The following SLX4IP variants were observed in gnomAD, a reference collection of about 807,000 sequenced individuals.
SLX4IP encodes protein SLX4IP.
Under a neutral mutation model 32.9 loss-of-function variants are expected in SLX4IP, and 34 were observed. That is an observed-to-expected ratio of 1.03 (90% confidence interval 0.79 to 1.38). The LOEUF is 1.38. Ranked by LOEUF, SLX4IP falls within the 40% of genes most tolerant of loss-of-function variation. SLX4IP has a pLI of 0.00. For missense variants in SLX4IP, 444 were observed against 479.0 expected (o/e 0.93, Z 0.68); for synonymous variants, 172 against 171.7 (o/e 1.00, Z -0.01).
intron 1 of SLX4IP, among the ~76,000 whole-genome samples, chr20:10,448,432 C>T (rs187897910): frequency 6.6e-6 from 1 of 152,238 alleles, no homozygotes; most frequent in Admixed American, 6.5e-5. Context: ...TGCACTGTAC[C>T]ATGACCCGGT....
At chr20:10,509,266 A>G (rs2065785281) in intron 2 of SLX4IP, among the ~76,000 whole-genome samples, 1 of 152,176 alleles carries the variant, frequency 6.6e-6, no homozygotes, top group African/African-American at 2.4e-5. Context: ...ATTCAATTAT[A>G]AAGATAGTGG....
chr20:10,586,643 TGAA>T (rs2066648801), intron 4 of SLX4IP, among the ~76,000 whole-genome samples: 1 of 151,296 alleles, frequency 6.6e-6, no homozygotes, highest in South Asian at 2.1e-4. Flanking sequence ...GAAAAAAAGA[TGAA>T]GAGAAATATT....
At chr20:10,479,986 G>C (rs1487635358) in intron 2 of SLX4IP, among the ~76,000 whole-genome samples, 1 of 152,110 alleles carries the variant, frequency 6.6e-6, no homozygotes, top group East Asian at 1.9e-4. Context: ...CCTGGCGACA[G>C]AGTGAGACTC....
chr20:10,542,562 A>G (rs141899974), intron 2 of SLX4IP, among the ~76,000 whole-genome samples: 1 of 152,212 alleles, frequency 6.6e-6, no homozygotes, highest in East Asian at 1.9e-4. Flanking sequence ...TTCAATATTG[A>G]GAGTAATTGA....
chr20:10,529,055 G>A (rs1026543740), intron 2 of SLX4IP, among the ~76,000 whole-genome samples: 1 of 152,144 alleles, frequency 6.6e-6, no homozygotes, highest in African/African-American at 2.4e-5. Flanking sequence ...TTCTGTTTCT[G>A]TTTGCTTTCC....
At chr20:10,519,326 C>T (rs879503286) in intron 2 of SLX4IP, among the ~76,000 whole-genome samples, 3 of 152,118 alleles carry the variant, frequency 2.0e-5, no homozygotes, top group Non-Finnish European at 2.9e-5. Flanking sequence ...TTTCATCACC[C>T]CCCCAAAAAG....
chr20:10,473,694 C>T (rs2065447316), intron 2 of SLX4IP, among the ~76,000 whole-genome samples: 1 of 151,944 alleles, frequency 6.6e-6, no homozygotes, highest in Non-Finnish European at 1.5e-5. Flanking sequence ...CCTTCACCTC[C>T]CAGGTTCAAG....
intron 4 of SLX4IP, among the ~76,000 whole-genome samples, chr20:10,579,553 A>C (rs1476389900): frequency 6.6e-6 from 1 of 151,782 alleles, no homozygotes; most frequent in African/African-American, 2.4e-5. Flanking sequence ...CAGCCTCCTG[A>C]GTAGCTGGGA....
intron 4 of SLX4IP, among the ~76,000 whole-genome samples, chr20:10,574,942 G>T (rs2066508510): frequency 6.6e-6 from 1 of 152,104 alleles, no homozygotes; most frequent in South Asian, 2.1e-4. Context: ...AAAAGTGCTG[G>T]GATTACAGAC....
intron 2 of SLX4IP, among the ~76,000 whole-genome samples, chr20:10,524,433 A>G (rs1444010096): frequency 6.6e-6 from 1 of 152,126 alleles, no homozygotes; most frequent in Non-Finnish European, 1.5e-5. Context: ...ACATGAAATG[A>G]TTGTTCCGTC....
intron 3 of SLX4IP, among the ~76,000 whole-genome samples, chr20:10,559,357 A>G (rs1221544014): frequency 6.6e-6 from 1 of 152,206 alleles, no homozygotes; most frequent in African/African-American, 2.4e-5. Context: ...AGTGTTTTTA[A>G]TAAAGGAAAA....
intron 4 of SLX4IP, among the ~76,000 whole-genome samples, chr20:10,566,533 G>C (rs629127): frequency 0.73 from 110,308 of 151,910 alleles, 40,986 homozygotes; most frequent in African/African-American, 0.89. Context: ...TGGTCACCTC[G>C]CTTTTCCAGT....
chr20:10,610,006 T>C (rs1248783966), intron 6 of SLX4IP, among the ~76,000 whole-genome samples: 2 of 152,166 alleles, frequency 1.3e-5, no homozygotes, highest in Admixed American at 1.3e-4. Context: ...CTCAGAACAG[T>C]TGATAAGCCT....
chr20:10,536,464 G>C (rs2066045675), intron 2 of SLX4IP, among the ~76,000 whole-genome samples: 1 of 152,188 alleles, frequency 6.6e-6, no homozygotes, highest in Admixed American at 6.5e-5. Context: ...TGATCTCTCA[G>C]TCGCCTGTTA....
intron 2 of SLX4IP, among the ~76,000 whole-genome samples, chr20:10,510,897 C>T (rs1308218700): frequency 1.3e-5 from 2 of 152,200 alleles, no homozygotes; most frequent in East Asian, 3.9e-4. Flanking sequence ...AGCCATCGCA[C>T]CCGGCGGTGC....
At chr20:10,457,499 G>C (rs977302837) in intron 1 of SLX4IP, among the ~76,000 whole-genome samples, 7 of 150,298 alleles carry the variant, frequency 4.7e-5, no homozygotes, top group Admixed American at 4.0e-4. Flanking sequence ...TATTAATAGA[G>C]TGTATTATAT....
intron 5 of SLX4IP, among the ~76,000 whole-genome samples, chr20:10,599,844 T>G (rs1173518786): frequency 6.6e-6 from 1 of 152,204 alleles, no homozygotes; most frequent in Non-Finnish European, 1.5e-5. Context: ...CAACTCTCAA[T>G]AATGACCTAA....
chr20:10,462,213 T>C (rs1388050303), intron 2 of SLX4IP, among the ~76,000 whole-genome samples: 1 of 152,154 alleles, frequency 6.6e-6, no homozygotes, highest in East Asian at 1.9e-4. Flanking sequence ...AGTTTCAGTC[T>C]TGATATGAAA....
chr20:10,559,643 C>T (rs758033514), intron 3 of SLX4IP, among the ~76,000 whole-genome samples: 14 of 152,152 alleles, frequency 9.2e-5, no homozygotes, highest in Non-Finnish European at 1.8e-4. Flanking sequence ...GTGCAGGAAA[C>T]AACTGCAAAG....
Sources: gnomAD v4.1 joint callset for allele counts (sites outside exome capture counted in the v4.1 genomes callset) on GRCh38, gnomAD v4.1.1 for gene constraint, MANE v1.5 for transcripts, NCBI Gene and HGNC (gene_info 2026-07-23, HGNC 2026-07-21) for gene names.